Variants in RBFOX1 observed in about 807,000 individuals in gnomAD.
RBFOX1 encodes the protein RNA binding fox-1 homolog 1.
In RBFOX1, 8 loss-of-function variants were observed where a neutral mutation model predicts 57.7. That is an observed-to-expected ratio of 0.14 (90% CI 0.08 to 0.25). The LOEUF (loss-of-function observed/expected upper bound fraction) is 0.25. Ranked by LOEUF, RBFOX1 falls within the 10% of genes least tolerant of loss-of-function variation. The probability of loss-of-function intolerance (pLI) is 1.00; values close to 1 mark genes in which losing one functional copy is unlikely to be tolerated. For missense variants in RBFOX1, 611 were observed against 548.5 expected (o/e 1.11, Z -1.14); for synonymous variants, 326 against 222.4 (o/e 1.47, Z -4.15).
At chr16:7,257,967 C>T (rs931571655) in intron 4 of RBFOX1, among the ~76,000 whole-genome samples, 1 of 152,122 alleles carries the variant, frequency 6.6e-6, no homozygotes, top group Non-Finnish European at 1.5e-5. Flanking sequence ...CTGAACAGAG[C>T]CTAATGAAGG....
intron 2 of RBFOX1, among the ~76,000 whole-genome samples, chr16:6,575,167 G>A (rs1370019732): frequency 6.6e-6 from 1 of 151,984 alleles, no homozygotes; most frequent in Non-Finnish European, 1.5e-5. Flanking sequence ...TCTGCCTTTA[G>A]AAAAAGACAC....
At chr16:5,755,036 C>G (rs535295105) in intron 3 of RBFOX1, among the ~76,000 whole-genome samples, 1 of 28,730 alleles carries the variant, frequency 3.5e-5, no homozygotes, top group South Asian at 1.0e-3. Flanking sequence ...CCTGGCTTTC[C>G]TAGGCAGAGG....
chr16:7,652,527 C>T (rs2065289149), intron 11 of RBFOX1, among the ~76,000 whole-genome samples: 1 of 152,212 alleles, frequency 6.6e-6, no homozygotes, highest in Non-Finnish European at 1.5e-5. Context: ...CCTGCCTCAG[C>T]CTCCCAAGTA....
chr16:7,257,198 C>T (rs1023749734), intron 4 of RBFOX1, among the ~76,000 whole-genome samples: 2 of 152,114 alleles, frequency 1.3e-5, no homozygotes, highest in South Asian at 2.1e-4. Context: ...AAGACTTAAT[C>T]GCTAACATCT....
intron 2 of RBFOX1, among the ~76,000 whole-genome samples, chr16:6,336,422 G>A (rs1410032546): frequency 6.6e-6 from 1 of 151,556 alleles, no homozygotes; most frequent in Non-Finnish European, 1.5e-5. Flanking sequence ...CAGTTGAAAT[G>A]GGGACCCTAT....
rs200640954 is a variant in RBFOX1 at position 7,473,098 on chromosome 16, C to T, written c.28-45049C>T. 3.9e-5 allele frequency among the ~76,000 whole-genome samples: 6 copies of T among 152,292 alleles called. No individual in the cohort carries two copies. The East Asian group carries it at 1.2e-3, about 29-fold the overall frequency. On this transcript the variant is annotated intron_variant, in intron 4 of 15. Coordinates refer to ENST00000550418, the MANE Select transcript of RBFOX1 (RefSeq NM_018723.4). ...TAGCATTAGATTAAAAGGATCTCCG[C>T]TAGGTGCAGTGGCTCATGCCTGTAA...
chr16:7,120,815 T>TTATA (rs201841382), intron 4 of RBFOX1, among the ~76,000 whole-genome samples: 11,947 of 113,186 alleles, frequency 0.11, 707 homozygotes, highest in South Asian at 0.14. Context: ...ATGTAATATT[T>TTATA]TATATATGTA....
intron 4 of RBFOX1, among the ~76,000 whole-genome samples, chr16:7,454,198 A>C (rs1391474556): frequency 6.6e-6 from 1 of 152,016 alleles, no homozygotes; most frequent in Non-Finnish European, 1.5e-5. Flanking sequence ...ATGCCACGGC[A>C]CTCCAGCCTG....
At chr16:5,726,189 C>T (rs183972714) in intron 3 of RBFOX1, among the ~76,000 whole-genome samples, 9 of 151,914 alleles carry the variant, frequency 5.9e-5, no homozygotes, top group Non-Finnish European at 8.8e-5. Flanking sequence ...GAGGCCTTTG[C>T]GAATCAATCA....
chr16:7,337,149 A>G (rs527714862), intron 4 of RBFOX1, among the ~76,000 whole-genome samples: 1 of 152,150 alleles, frequency 6.6e-6, no homozygotes, highest in African/African-American at 2.4e-5. Flanking sequence ...AGACAAAGCT[A>G]GGTAGCCCAA....
chr16:7,323,007 T>G (rs1490912374), intron 4 of RBFOX1, among the ~76,000 whole-genome samples: 1 of 152,066 alleles, frequency 6.6e-6, no homozygotes, highest in East Asian at 1.9e-4. Context: ...CATCAAAGTC[T>G]TCTCCTCCTC....
At chr16:6,713,563 A>T (rs984664522) in intron 3 of RBFOX1, among the ~76,000 whole-genome samples, 1 of 151,974 alleles carries the variant, frequency 6.6e-6, no homozygotes, top group African/African-American at 2.4e-5. Context: ...ACAACCACAA[A>T]TCTCTCCAGA....
chr16:7,242,307 A>T (rs1315639857), intron 4 of RBFOX1, among the ~76,000 whole-genome samples: 1 of 152,192 alleles, frequency 6.6e-6, no homozygotes, highest in Non-Finnish European at 1.5e-5. Context: ...TGGAAAAATA[A>T]ATAATAGGCA....
At chr16:5,478,495 C>T (rs923894301) in intron 2 of RBFOX1, among the ~76,000 whole-genome samples, 1 of 152,160 alleles carries the variant, frequency 6.6e-6, no homozygotes, top group African/African-American at 2.4e-5. Context: ...TATAGCAAAT[C>T]ATCAAGCATT....
At chr16:7,630,924 T>G (rs962369454) in intron 11 of RBFOX1, among the ~76,000 whole-genome samples, 1 of 151,954 alleles carries the variant, frequency 6.6e-6, no homozygotes, top group African/African-American at 2.4e-5. Context: ...ATGGGGTTGG[T>G]GGGGAGGGGC....
At chr16:5,280,730 A>G (rs1305263903) in intron 1 of RBFOX1, among the ~76,000 whole-genome samples, 3 of 151,950 alleles carry the variant, frequency 2.0e-5, no homozygotes, top group Non-Finnish European at 1.5e-5. Flanking sequence ...ATGGTTGTTC[A>G]TAATAGCCTC....
chr16:5,407,598 G>T (rs1567462775), intron 1 of RBFOX1, among the ~76,000 whole-genome samples: 1 of 152,098 alleles, frequency 6.6e-6, no homozygotes, highest in Non-Finnish European at 1.5e-5. Context: ...ACCCAGGCTG[G>T]AGTGCAGTGG....
chr16:6,938,238 A>G (rs1228515535), intron 3 of RBFOX1, among the ~76,000 whole-genome samples: 2 of 152,182 alleles, frequency 1.3e-5, no homozygotes, highest in African/African-American at 4.8e-5. Flanking sequence ...TCCTATAAAT[A>G]TCAGGTAGGT....
intron 4 of RBFOX1, among the ~76,000 whole-genome samples, chr16:7,489,123 A>T (rs929735106): frequency 1.3e-5 from 2 of 151,902 alleles, no homozygotes; most frequent in African/African-American, 2.4e-5. Context: ...ATTCTGTCCA[A>T]ATCTCTCTGT....
Sources: allele counts gnomAD v4.1 joint callset (sites outside exome capture counted in the v4.1 genomes callset), GRCh38; gene constraint gnomAD v4.1.1; transcripts MANE v1.5; gene names NCBI Gene and HGNC (gene_info 2026-07-23, HGNC 2026-07-21).